KATNBL1: variants seen among roughly 807,000 people sequenced by gnomAD.
The protein encoded by KATNBL1 is KATNB1-like protein 1.
In KATNBL1, 28 loss-of-function variants were observed where a neutral mutation model predicts 44.7. The observed-to-expected ratio is 0.63, with a 90% CI of 0.46 to 0.86. The LOEUF (loss-of-function observed/expected upper bound fraction) is 0.86. Ranked by LOEUF, KATNBL1 falls within the 40% of genes least tolerant of loss-of-function variation. KATNBL1 has a pLI of 0.00. For synonymous variants in KATNBL1, 78 were observed against 114.9 expected (o/e 0.68, Z 2.06); for missense variants, 272 against 350.7 (o/e 0.78, Z 1.79).
intron 1 of KATNBL1, among the ~76,000 whole-genome samples, chr15:34,195,704 A>AAT (rs397798042): frequency 6.7e-6 from 1 of 149,852 alleles, no homozygotes; most frequent in African/African-American, 2.5e-5. Context: ...AAAAAAAAAA[A>AAT]CCCAAAAAAC....
chr15:34,181,620 ATATATATGT>A, intron 1 of KATNBL1, among the ~76,000 whole-genome samples: 1 of 132,502 alleles, frequency 7.5e-6, no homozygotes, highest in African/African-American at 2.7e-5. Context: ...ATATATACAC[ATATATATGT>A]CCATATATAT....
At chr15:34,155,063 T>A (rs1453495041) in intron 2 of KATNBL1, among the ~76,000 whole-genome samples, 4 of 152,144 alleles carry the variant, frequency 2.6e-5, no homozygotes, top group African/African-American at 9.7e-5. Flanking sequence ...CTAAGGACTC[T>A]AAATATGTGA....
intron 1 of KATNBL1, among the ~76,000 whole-genome samples, chr15:34,171,048 C>T (rs1408805824): frequency 6.6e-6 from 1 of 152,104 alleles, no homozygotes; most frequent in Non-Finnish European, 1.5e-5. Context: ...GACTAAAACA[C>T]CAAAAGCAAT....
At chr15:34,195,833 A>G (rs1278895404) in intron 1 of KATNBL1, among the ~76,000 whole-genome samples, 1 of 152,254 alleles carries the variant, frequency 6.6e-6, no homozygotes, top group African/African-American at 2.4e-5. Flanking sequence ...TGGAATATAC[A>G]AAATAGTTAT....
Position 34,145,403 on chromosome 15 carries a change from C to G in KATNBL1, c.877G>C (p.Ala293Pro). 2 of 1,447,728 alleles carry G rather than the reference C, an allele frequency of 1.4e-6. No individual in the cohort carries two copies. Among genetic ancestry groups the G allele is most frequent in the Middle Eastern group, 2.4e-4 (1 of 4,168 alleles). The allele number at this position is 1,447,728 out of a possible 1,614,324, so 89.7% of individuals were successfully genotyped here. ...TAAGCTTAAATATAGATTACCTTAG[C>G]TATATTACCAGTATATCCTGGAACC... is the stretch of plus-strand genomic sequence containing the variant. ...TLVPGYTGNI[A>P]KDVDAYLLQL... The change falls in exon 9 of 10, where the codon GCT becomes CCT. Residue 293 changes from alanine to proline, a missense_variant. By Grantham distance (27) the Ala-to-Pro change is conservative. Around this residue, in one of 3 missense-constraint regions of KATNBL1, gnomAD observed 39 missense variants for 76.3 expected, o/e 0.51. Coordinates refer to ENST00000256544, the MANE Select transcript of KATNBL1 (RefSeq NM_024713.3).
intron 1 of KATNBL1, among the ~76,000 whole-genome samples, chr15:34,200,563 C>T (rs774239293): frequency 1.3e-5 from 2 of 151,476 alleles, no homozygotes; most frequent in African/African-American, 2.4e-5. Context: ...GCCCCGCCCA[C>T]CACTTTCTCT....
rs1458230822 is a variant in KATNBL1, at chr15:34,181,785, CAT to C, written c.-14-18097_-14-18096del. Among the ~76,000 whole-genome samples the C allele has an allele frequency of 5.1e-5, 6 of 117,706 alleles. 1 individual carries two copies. The highest frequency in any genetic ancestry group is 8.6e-5 in the Admixed American group (1 of 11,634). The allele number at this position is 117,706 out of a possible 152,430, so 77.2% of individuals were successfully genotyped here. ...CCATATATATACACATATATATGTC[CAT>C]ATATATATCCATATATATACATATA... On this transcript the variant is annotated intron_variant, in intron 1 of 9. Coordinates refer to ENST00000256544, the MANE Select transcript of KATNBL1 (RefSeq NM_024713.3).
intron 1 of KATNBL1, among the ~76,000 whole-genome samples, chr15:34,193,245 A>G (rs1012684516): frequency 1.4e-5 from 2 of 143,566 alleles, no homozygotes; most frequent in African/African-American, 2.6e-5. Flanking sequence ...ACAAAAAAAA[A>G]ACTTAAGGCC....
intron 1 of KATNBL1, among the ~76,000 whole-genome samples, chr15:34,181,830 C>CA (rs1205224086): frequency 0.019 from 1,827 of 95,880 alleles, 561 homozygotes; most frequent in African/African-American, 0.049. Context: ...CCATATATAT[C>CA]CATATATATA....
At chr15:34,172,288 A>C (rs1889186619) in intron 1 of KATNBL1, among the ~76,000 whole-genome samples, 1 of 93,770 alleles carries the variant, frequency 1.1e-5, no homozygotes, top group Admixed American at 1.7e-4. Context: ...ATGGAGTCTC[A>C]CTCTATTGCC....
intron 5 of KATNBL1, 60 bp from the exon 6 acceptor site, chr15:34,147,490 A>G: frequency 7.6e-7 from 1 of 1,312,402 alleles, no homozygotes; most frequent in Non-Finnish European, 1.1e-6. Flanking sequence ...TTACTTTCAT[A>G]TTATGATTAT....
chr15:34,194,391 T>C (rs942898871), intron 1 of KATNBL1, among the ~76,000 whole-genome samples: 11 of 152,144 alleles, frequency 7.2e-5, no homozygotes, highest in African/African-American at 2.7e-4. Context: ...GGAGTAGCAC[T>C]TGAGCCCATG....
chr15:34,162,372 G>A lies in KATNBL1; in HGVS notation c.117+1188C>T, dbSNP rs547370810. ...CATTCTCTCGTCTGCTGCCACGTAT[G>A]TAAAATGTGCCTTTTGCCTTCCGAC... On this transcript the variant is annotated intron_variant, in intron 2 of 9. Coordinates refer to ENST00000256544, the MANE Select transcript of KATNBL1 (RefSeq NM_024713.3). Among the ~76,000 whole-genome samples the A allele has an allele frequency of 1.5e-4, 23 of 152,290 alleles. No homozygotes were observed. The East Asian group carries it at 3.1e-3, about 20-fold the overall frequency.
intron 1 of KATNBL1, among the ~76,000 whole-genome samples, chr15:34,186,655 C>T (rs761730941): frequency 2.0e-5 from 3 of 152,208 alleles, no homozygotes; most frequent in Non-Finnish European, 2.9e-5. Context: ...CACCCTTGGG[C>T]GCCCCAGGAA....
intron 1 of KATNBL1, among the ~76,000 whole-genome samples, chr15:34,169,946 A>T (rs1889107667): frequency 6.6e-6 from 1 of 152,200 alleles, no homozygotes. Flanking sequence ...TCTCAAAATA[A>T]TAAGAGCTAT....
Position 34,142,264 on chromosome 15 carries a change from G to C in KATNBL1, c.*75C>G. On this transcript the variant is annotated 3_prime_UTR_variant, in exon 10 of 10. Coordinates refer to ENST00000256544, the MANE Select transcript of KATNBL1 (RefSeq NM_024713.3). ...TCCACAGTTCACAGTTCTCAGACGA[G>C]ACTTTTTTTTTTTGTAAATTATACA... 3 of 1,330,824 alleles carry C rather than the reference G, an allele frequency of 2.3e-6. No individual in the cohort carries two copies. The highest frequency in any genetic ancestry group is 3.0e-6 in the Non-Finnish European group (3 of 1,015,170). The allele number at this position is 1,330,824 out of a possible 1,614,324, so 82.4% of individuals were successfully genotyped here. A position where few individuals can be genotyped will look rare whatever the true frequency, so the allele number is the denominator to read the frequency against.
Position 34,176,845 on chromosome 15 carries a change from T to C in KATNBL1, c.-14-13155A>G, listed in dbSNP as rs571320357. Among the ~76,000 whole-genome samples, 4 of 152,358 alleles carry C rather than the reference T, an allele frequency of 2.6e-5. No individual in the cohort carries two copies. The South Asian group carries it at 8.3e-4, about 32-fold the overall frequency. The stretch of plus-strand genomic sequence containing the variant: ...CCATTTTGTTTCATGTCTCATATAT[T>C]TGACAGCACCTTTGTTGGGGCAACA... On this transcript the variant is annotated intron_variant, in intron 1 of 9. Transcript: ENST00000256544.
At position 34,154,660 on chromosome 15, in the gene KATNBL1, C is replaced by T; in HGVS notation, c.142G>A (p.Ala48Thr). 7 of 1,586,296 alleles carry T rather than the reference C, an allele frequency of 4.4e-6. No homozygotes were observed. Among genetic ancestry groups the T allele is most frequent in the Non-Finnish European group, 6.1e-6 (7 of 1,154,966 alleles). The change falls in exon 3 of 10, where the codon GCT (alanine) becomes ACT (threonine). Residue 48 changes from alanine (A) to threonine (T), a missense_variant. Transcript: ENST00000256544. Reference sequence around the variant, plus strand: ...AACTCTTACCTATTTATGTAAGCAGCCAACTGTTTTGGAGATTTCTTAACC... The same window carrying T: ...AACTCTTACCTATTTATGTAAGCAGTCAACTGTTTTGGAGATTTCTTAACC... ...KEVKKSPKQL[A>T]AYINRTVGQT...
intron 1 of KATNBL1, among the ~76,000 whole-genome samples, chr15:34,173,413 G>A (rs1226393132): frequency 6.6e-6 from 1 of 152,090 alleles, no homozygotes; most frequent in East Asian, 1.9e-4. Context: ...CAGATACAGA[G>A]TAAAGCCTTC....
Sources: allele counts gnomAD v4.1 joint callset (sites outside exome capture counted in the v4.1 genomes callset), GRCh38; gene constraint gnomAD v4.1.1; regional missense constraint gnomAD v4.1.1; transcripts MANE v1.5; gene names NCBI Gene and HGNC (gene_info 2026-07-23, HGNC 2026-07-21).